The following MDM2 variants were observed in gnomAD, a reference collection of about 807,000 sequenced individuals.
MDM2 encodes the protein MDM2 proto-oncogene, also known as E3 ubiquitin-protein ligase Mdm2.
Under a neutral mutation model 64.3 loss-of-function variants are expected in MDM2, and 11 were observed. That is an observed-to-expected ratio of 0.17 (90% CI 0.11 to 0.28). MDM2 has a LOEUF of 0.28. Ranked by LOEUF, MDM2 falls within the 10% of genes least tolerant of loss-of-function variation. The probability of loss-of-function intolerance (pLI) is 1.00; values close to 1 mark genes in which losing one functional copy is unlikely to be tolerated. For synonymous variants in MDM2, 194 were observed against 192.9 expected (o/e 1.01, Z -0.05); for missense variants, 388 against 577.1 (o/e 0.67, Z 3.36).
rs191662442 is a variant in MDM2 at position 68,833,493 on chromosome 12, G to A, written c.685-2336G>A. On this transcript the variant is annotated intron_variant, in intron 8 of 10. Transcript: ENST00000258149. ...AATAGTTTCTGGGGCATTCTTTTGC[G>A]AACATTAGCCAAAACTTTAAAAACC... Among the ~76,000 whole-genome samples, 650 of 147,524 alleles carry A rather than the reference G, an allele frequency of 4.4e-3. 4 individuals carry two copies. Among genetic ancestry groups the A allele is most frequent in the Middle Eastern group, 0.021 (6 of 282 alleles).
chr12:68,848,975 T>C (rs1884514316), downstream of MDM2: 1 of 151,296 alleles, frequency 6.6e-6, no homozygotes, highest in South Asian at 2.1e-4. Context: ...CCTCCCAAAG[T>C]GTTGGGATTA....
At chr12:68,827,809 T>C (rs564205288) in intron 7 of MDM2, among the ~76,000 whole-genome samples, 8 of 152,336 alleles carry the variant, frequency 5.3e-5, no homozygotes, top group African/African-American at 1.7e-4. Context: ...GGAAACTTTT[T>C]ACTGGTTTTG....
intron 4 of MDM2, 57 bp from the exon 5 acceptor site, chr12:68,820,268 C>T: frequency 7.5e-7 from 1 of 1,342,266 alleles, no homozygotes; most frequent in Non-Finnish European, 1.0e-6. Flanking sequence ...CAGCTTAATA[C>T]AAATTTTTAT....
intron 3 of MDM2, among the ~76,000 whole-genome samples, chr12:68,814,941 T>C (rs1881221460): frequency 6.6e-6 from 1 of 152,218 alleles, no homozygotes; most frequent in Non-Finnish European, 1.5e-5. Flanking sequence ...CATTTTTCTT[T>C]TTCCTCTCCA....
chr12:68,827,669 T>TA (rs1389649203), intron 7 of MDM2, among the ~76,000 whole-genome samples: 1 of 152,236 alleles, frequency 6.6e-6, no homozygotes, highest in African/African-American at 2.4e-5. Flanking sequence ...TTTTGTTCTT[T>TA]ATATTTAGAT....
intron 2 of MDM2, 52 bp from the exon 3 acceptor site, chr12:68,813,502 A>AT: frequency 7.8e-7 from 1 of 1,281,562 alleles, no homozygotes; most frequent in Non-Finnish European, 1.1e-6. Flanking sequence ...TGCAGGGCCT[A>AT]TAGTTCTGGG....
Position 68,808,337 on chromosome 12 carries a change from G to A in MDM2, c.-141G>A. On this transcript the variant is annotated 5_prime_UTR_variant, in exon 1 of 11. Coordinates refer to ENST00000258149, the MANE Select transcript of MDM2 (RefSeq NM_002392.6). ...CAGCCAGGAGCACCGTCCCTCCCCG[G>A]ATTAGTGCGTACGAGCGCCCAGTGC... 4 of 1,104,274 alleles carry A rather than the reference G, an allele frequency of 3.6e-6. No individual in the cohort carries two copies. The highest frequency in any genetic ancestry group is 3.8e-5 in the Admixed American group (2 of 52,196). 68.4% of individuals were successfully genotyped at this position (1,104,274 alleles called of 1,614,324 possible).
rs141938174 is a variant in MDM2, at chr12:68,844,471, C to T, written c.*4622C>T. The T allele has an allele frequency of 2.6e-5, 6 of 227,992 alleles. No homozygotes were observed. The highest frequency in any genetic ancestry group is 4.4e-5 in the Non-Finnish European group (5 of 114,730). 14.1% of individuals were successfully genotyped at this position (227,992 alleles called of 1,614,324 possible). A position where few individuals can be genotyped will look rare whatever the true frequency, so the allele number is the denominator to read the frequency against. ...CACATGGCAGCCTGGCCTAAGTGATCGTGAATGGTCTATAAGGGAGGTAGC... is the reference window on the plus strand; with the variant it reads ...CACATGGCAGCCTGGCCTAAGTGATTGTGAATGGTCTATAAGGGAGGTAGC... On this transcript the variant is annotated 3_prime_UTR_variant, in exon 11 of 11. Transcript: ENST00000258149.
At chr12:68,845,969 C>T (rs925943917), downstream of MDM2, 1 of 151,580 alleles carries the variant, frequency 6.6e-6, no homozygotes, top group African/African-American at 2.4e-5. Context: ...TGCCACCCGC[C>T]CTGAGACAGA....
At chr12:68,837,853 C>CG (rs1883433187) in intron 10 of MDM2, among the ~76,000 whole-genome samples, 3 of 99,890 alleles carry the variant, frequency 3.0e-5, no homozygotes, top group African/African-American at 1.4e-4. Context: ...AAATAAATTC[C>CG]ATTTTTTCTG....
At chr12:68,820,300 TA>T (rs761906899) in intron 4 of MDM2, 24 bp from the exon 5 acceptor site, 30 of 1,480,684 alleles carry the variant, frequency 2.0e-5, no homozygotes, top group South Asian at 1.9e-4. Flanking sequence ...CATCTCTTGT[TA>T]TTTTTTTTTT....
At chr12:68,808,852 A>G in intron 1 of MDM2, 1 of 1,317,180 alleles carries the variant, frequency 7.6e-7, no homozygotes, top group Non-Finnish European at 9.8e-7. Flanking sequence ...ACTAGTGTGA[A>G]CGCTGCGCGT....
chr12:68,819,854 T>C (rs566833165), intron 4 of MDM2, among the ~76,000 whole-genome samples: 63 of 152,264 alleles, frequency 4.1e-4, no homozygotes, highest in Non-Finnish European at 7.6e-4. Context: ...GTCAAGATTA[T>C]AATCAAATTC....
chr12:68,845,710 C>A, downstream of MDM2: 1 of 169,106 alleles, frequency 5.9e-6, no homozygotes, highest in Middle Eastern at 2.5e-3. Flanking sequence ...GTCCAGCCAA[C>A]AGCTTAAAGC....
In MDM2 at chr12:68,836,762, C is replaced by G. The variant is rs922390722; in HGVS notation, c.918+13C>G. The G allele has an allele frequency of 6.4e-7, 1 of 1,562,798 alleles. No homozygotes were observed. The highest frequency in any genetic ancestry group is 8.8e-7 in the Non-Finnish European group (1 of 1,136,596). On this transcript the variant is annotated intron_variant, in intron 10 of 10. Coordinates refer to ENST00000258149, the MANE Select transcript of MDM2 (RefSeq NM_002392.6). ...AATTTCCTTAGCTGTAAGTATACATCTACTTTTTTAAGAAATAAAAATTTC... is the reference window on the plus strand; with the variant it reads ...AATTTCCTTAGCTGTAAGTATACATGTACTTTTTTAAGAAATAAAAATTTC...
At chr12:68,811,674 G>A (rs767508610) in intron 2 of MDM2, among the ~76,000 whole-genome samples, 1 of 141,844 alleles carries the variant, frequency 7.1e-6, no homozygotes, top group Non-Finnish European at 1.5e-5. Context: ...GCATGATCTC[G>A]GCTCACTGCA....
intron 9 of MDM2, 57 bp downstream of exon 9, chr12:68,836,041 T>A: frequency 1.4e-6 from 2 of 1,384,532 alleles, no homozygotes; most frequent in Non-Finnish European, 2.0e-6. Context: ...TTTTCTATGT[T>A]CATTGACTTT....
chr12:68,832,910 A>G (rs1013024631), intron 8 of MDM2, among the ~76,000 whole-genome samples: 5 of 151,092 alleles, frequency 3.3e-5, no homozygotes, highest in Non-Finnish European at 4.4e-5. Context: ...GCGGATCACA[A>G]GGTCAGGAGA....
Position 68,843,295 on chromosome 12 carries a change from TGAGAGAGAGA to T in MDM2, c.*3458_*3467del, listed in dbSNP as rs138844063. ...AGTACTAATCCCTTTGGCCATTTAT[TGAGAGAGAGA>T]GAGAGAGAGAGTAGGGTGACTATAG... On this transcript the variant is annotated 3_prime_UTR_variant, in exon 11 of 11. Transcript: ENST00000258149. 36 of 219,176 alleles carry T rather than the reference TGAGAGAGAGA, an allele frequency of 1.6e-4. No homozygotes were observed. In the East Asian group the frequency reaches 2.0e-3, roughly 12 times the overall value. The allele number at this position is 219,176 out of a possible 1,614,324, so 13.6% of individuals were successfully genotyped here. A position where few individuals can be genotyped will look rare whatever the true frequency, so the allele number is the denominator to read the frequency against.
Sources: gnomAD v4.1 joint callset for allele counts (sites outside exome capture counted in the v4.1 genomes callset) on GRCh38, gnomAD v4.1.1 for gene constraint, MANE v1.5 for transcripts, NCBI Gene and HGNC (gene_info 2026-07-23, HGNC 2026-07-21) for gene names.